Variants in PROM1 observed in about 807,000 individuals in gnomAD.
The protein encoded by PROM1 is prominin-1.
PROM1 carries 105 observed loss-of-function variants against 116.9 expected under a neutral mutation model. The observed-to-expected ratio is 0.90, with a 90% CI of 0.77 to 1.06. The LOEUF is 1.06. Ranked by LOEUF, PROM1 falls within the 50% of genes least tolerant of loss-of-function variation. PROM1 has a pLI of 0.00. For missense variants in PROM1, 1,122 were observed against 1,045.2 expected (o/e 1.07, Z -1.01); for synonymous variants, 393 against 387.0 (o/e 1.02, Z -0.18).
intron 2 of PROM1, among the ~76,000 whole-genome samples, chr4:16,041,390 A>C (rs867139301): frequency 1.3e-5 from 2 of 152,238 alleles, no homozygotes; most frequent in East Asian, 3.9e-4. Flanking sequence ...TTTCATATAC[A>C]TCAAAGTATA....
chr4:15,978,458 G>A (rs945367020), intron 26 of PROM1, among the ~76,000 whole-genome samples: 1 of 152,230 alleles, frequency 6.6e-6, no homozygotes, highest in South Asian at 2.1e-4. Context: ...GGATGTGCCT[G>A]ACTGGTAAGC....
At chr4:16,041,088 G>A (rs1377886932) in intron 2 of PROM1, among the ~76,000 whole-genome samples, 3 of 152,162 alleles carry the variant, frequency 2.0e-5, no homozygotes, top group African/African-American at 4.8e-5. Context: ...ACATGTTCAG[G>A]GTGTCCATGA....
At chr4:16,072,074 A>T (rs1742938783) in intron 2 of PROM1, among the ~76,000 whole-genome samples, 1 of 152,128 alleles carries the variant, frequency 6.6e-6, no homozygotes, top group South Asian at 2.1e-4. Flanking sequence ...CAGGTTCTAG[A>T]ATACATTCTG....
chr4:15,996,214 G>T (rs1297824862), intron 15 of PROM1, among the ~76,000 whole-genome samples: 1 of 152,136 alleles, frequency 6.6e-6, no homozygotes, highest in Non-Finnish European at 1.5e-5. Flanking sequence ...TTAGGTAATA[G>T]AAATAAACAG....
rs144215105 is a variant in PROM1 at position 16,060,463 on chromosome 4, G to C, written c.220+15224C>G. Among the ~76,000 whole-genome samples, 34 of 152,208 alleles carry C rather than the reference G, an allele frequency of 2.2e-4. 1 individual carries two copies. The highest frequency in any genetic ancestry group is 7.7e-4 in the African/African-American group (32 of 41,546). ...CAAGTAGCTGGGACTACAGGCACGT[G>C]CTACCACGCCCGGCTAATTTTTGCA... On this transcript the variant is annotated intron_variant, in intron 2 of 27. Transcript: ENST00000447510.
At chr4:16,037,400 C>T (rs1734181276) in intron 3 of PROM1, among the ~76,000 whole-genome samples, 1 of 152,174 alleles carries the variant, frequency 6.6e-6, no homozygotes. Flanking sequence ...TCCACACAGT[C>T]TTCCCTTGCT....
At chr4:15,996,609 T>C (rs1722389156) in intron 15 of PROM1, among the ~76,000 whole-genome samples, 1 of 152,220 alleles carries the variant, frequency 6.6e-6, no homozygotes, top group Non-Finnish European at 1.5e-5. Flanking sequence ...CAGGAACTAA[T>C]GACCATTGAT....
chr4:16,044,854 C>T (rs112123763), intron 2 of PROM1, among the ~76,000 whole-genome samples: 1 of 152,122 alleles, frequency 6.6e-6, no homozygotes, highest in Admixed American at 6.5e-5. Flanking sequence ...AGTAGGCAAA[C>T]CAAGTAGAAC....
At position 15,993,986 on chromosome 4, in the gene PROM1, C is replaced by T. The variant is rs1464894081; in HGVS notation, c.1767+1G>A. 1.2e-6 allele frequency: 2 copies of T among 1,613,158 alleles called. No homozygotes were observed. The highest frequency in any genetic ancestry group is 3.3e-5 in the Admixed American group (2 of 59,996). On this transcript the variant is annotated splice_donor_variant, in intron 16 of 27. Transcript: ENST00000447510. LOFTEE classifies it high-confidence loss of function. ...TCGATTCCATGACGAGTTCTAATTA[C>T]CTCATTAATGTTGAGATGTTCACTG... is the stretch of plus-strand genomic sequence containing the variant.
At chr4:15,977,709 C>T (rs1417945666) in intron 26 of PROM1, among the ~76,000 whole-genome samples, 1 of 152,192 alleles carries the variant, frequency 6.6e-6, no homozygotes, top group African/African-American at 2.4e-5. Context: ...AGTGATTCTC[C>T]TGCCTCAGCC....
At chr4:16,023,228 A>T in intron 8 of PROM1, 98 bp downstream of exon 8, 1 of 1,110,716 alleles carries the variant, frequency 9.0e-7, no homozygotes, top group Non-Finnish European at 1.3e-6. Flanking sequence ...GGCTCTCCCC[A>T]AGCCAGCTCT....
intron 2 of PROM1, chr4:16,055,532 G>A: frequency 4.7e-6 from 2 of 421,978 alleles, no homozygotes; most frequent in South Asian, 1.7e-5. Context: ...GAACCAAATA[G>A]CCTAATACCA....
chr4:15,993,694 C>T (rs918870864), intron 16 of PROM1, among the ~76,000 whole-genome samples: 1 of 152,166 alleles, frequency 6.6e-6, no homozygotes, highest in African/African-American at 2.4e-5. Context: ...CTATACTCAG[C>T]AAAATGACAT....
intron 4 of PROM1, among the ~76,000 whole-genome samples, chr4:16,034,552 T>C (rs574849673): frequency 6.6e-6 from 1 of 152,288 alleles, no homozygotes; most frequent in Non-Finnish European, 1.5e-5. Context: ...TCATGTGACC[T>C]AAACATATTT....
Position 16,000,534 on chromosome 4 carries a change from G to A in PROM1, c.1540C>T (p.Leu514=), listed in dbSNP as rs1723511797. The A allele has an allele frequency of 1.3e-6, 2 of 1,595,244 alleles. No homozygotes were observed. Among genetic ancestry groups the A allele is most frequent in the African/African-American group, 2.7e-5 (2 of 74,608 alleles). ...TTGCTCGTGTAAGGTTCACAGATCA[G>A]TTTTTCCACATTTGCACCAAAGACA... ...TFVFGANVEK[L]ICEPYTSKEL... is the part of the protein sequence containing the mutation. The change falls in exon 14 of 28, where the codon CTG becomes TTG. Residue 514 remains leucine (L), a synonymous_variant. Transcript: ENST00000447510.
chr4:16,023,451 C>T (rs772135953), intron 7 of PROM1, 36 bp from the exon 8 acceptor site: 1 of 1,486,846 alleles, frequency 6.7e-7, no homozygotes, highest in South Asian at 1.2e-5. Flanking sequence ...GTGAGGGTGG[C>T]CTCTGCTCAT....
In PROM1 at chr4:15,997,219, C is replaced by CAT. The variant is rs559149707; in HGVS notation, c.1682+1164_1682+1165dup. 7.5e-3 allele frequency among the ~76,000 whole-genome samples: 1,088 copies of CAT among 145,286 alleles called. 19 individuals are homozygous for CAT. The highest frequency in any genetic ancestry group is 0.025 in the African/African-American group (996 of 39,256). ...CTAAAAGAAATGCATTTCAATGAAA[C>CAT]ATATATATATATATGAAATGCATTT... On this transcript the variant is annotated intron_variant, in intron 15 of 27. Transcript: ENST00000447510.
chr4:16,005,085 C>T (rs777197699), intron 13 of PROM1, among the ~76,000 whole-genome samples: 4 of 151,440 alleles, frequency 2.6e-5, no homozygotes, highest in Non-Finnish European at 4.4e-5. Context: ...GCCTCAGCCT[C>T]CCAAGTACCT....
intron 1 of PROM1, chr4:16,079,205 C>T (rs1200434681): frequency 6.6e-6 from 1 of 152,218 alleles, no homozygotes; most frequent in Admixed American, 6.5e-5. Context: ...CAAACCTCAG[C>T]CCAGGACAGA....
Sources: gnomAD v4.1 joint callset for allele counts (sites outside exome capture counted in the v4.1 genomes callset) on GRCh38, gnomAD v4.1.1 for gene constraint, MANE v1.5 for transcripts, NCBI Gene and HGNC (gene_info 2026-07-23, HGNC 2026-07-21) for gene names.